The following DOP1B variants were observed in gnomAD, a reference collection of about 807,000 sequenced individuals.
DOP1B encodes the protein protein DOP1B.
Under a neutral mutation model 233.5 loss-of-function variants are expected in DOP1B, and 174 were observed. The ratio of observed to expected loss-of-function variants is 0.75; its 90% CI spans 0.66 to 0.85. The LOEUF is 0.85. DOP1B is among the 40% of genes least tolerant of loss of function. The pLI is 0.00. For synonymous variants in DOP1B, 1,190 were observed against 1,185.6 expected, an observed-to-expected ratio of 1.00 and a Z score of -0.08; for missense variants, 2,652 against 2,846.6, an observed-to-expected ratio of 0.93 and a Z score of 1.56.
At chr21:36,225,914 A>G (rs2066677222) in intron 12 of DOP1B, among the ~76,000 whole-genome samples, 1 of 152,248 alleles carries the variant, frequency 6.6e-6, no homozygotes. Flanking sequence ...TAGGTCAACC[A>G]GCTGAAGAAC....
chr21:36,164,128 A>T (rs181972014), intron 1 of DOP1B, among the ~76,000 whole-genome samples: 147 of 152,286 alleles, frequency 9.7e-4, no homozygotes, highest in African/African-American at 3.5e-3. Context: ...AGAAAAGGAG[A>T]ACAAGGCATG....
intron 2 of DOP1B, among the ~76,000 whole-genome samples, chr21:36,185,577 A>G (rs2066155249): frequency 6.6e-6 from 1 of 152,174 alleles, no homozygotes; most frequent in Non-Finnish European, 1.5e-5. Context: ...TATGACGAGT[A>G]TTTCAGGTCG....
rs2067203646 is a variant in DOP1B, at chr21:36,263,877, G to A, written c.5487+63G>A. The A allele has an allele frequency of 5.4e-6, 8 of 1,482,326 alleles. No individual in the cohort carries two copies. In the Middle Eastern group the frequency reaches 8.6e-4, roughly 160 times the overall value. 91.8% of individuals were successfully genotyped at this position (1,482,326 alleles called of 1,614,324 possible). A position where few individuals can be genotyped will look rare whatever the true frequency, so the allele number is the denominator to read the frequency against. ...CCCAGCAGTGCTGTCCTCCTTTGGG[G>A]GATATCAGATAGCAGGTAGACAAGA... On this transcript the variant is annotated intron_variant, in intron 26 of 36. Transcript: ENST00000691173.
chr21:36,259,574 C>T (rs2067146163), intron 23 of DOP1B, among the ~76,000 whole-genome samples: 1 of 152,050 alleles, frequency 6.6e-6, no homozygotes, highest in African/African-American at 2.4e-5. Context: ...TGCCTGGCCT[C>T]CTTTCATTCT....
At chr21:36,213,431 A>T (rs2066523471) in intron 7 of DOP1B, among the ~76,000 whole-genome samples, 1 of 151,934 alleles carries the variant, frequency 6.6e-6, no homozygotes, top group African/African-American at 2.4e-5. Context: ...GCTCCAGCTG[A>T]TGGGAGCATG....
intron 2 of DOP1B, among the ~76,000 whole-genome samples, chr21:36,194,572 C>T (rs1601400996): frequency 6.6e-6 from 1 of 150,686 alleles, no homozygotes; most frequent in East Asian, 2.0e-4. Context: ...CTCCAACCTC[C>T]ACCTCCCAGG....
intron 6 of DOP1B, 148 bp downstream of exon 6, chr21:36,211,799 C>T: frequency 1.5e-6 from 2 of 1,305,452 alleles, no homozygotes; most frequent in Non-Finnish European, 2.1e-6. Context: ...TTCATTTTTG[C>T]AAGGATAGCG....
At position 36,230,668 on chromosome 21, in the gene DOP1B, T is replaced by C. The variant is rs770782020; in HGVS notation, c.1884T>C (p.Leu628=). The C allele has an allele frequency of 6.2e-7, 1 of 1,614,150 alleles. No individual in the cohort carries two copies. The highest frequency in any genetic ancestry group is 8.5e-7 in the Non-Finnish European group (1 of 1,180,036). The part of the protein sequence containing the change: ...KKGGSMQRTF[L]CIQELIANFA... ...GCGGGAGCATGCAGAGGACGTTTCT[T>C]TGCATCCAAGAGCTAATCGCCAACT... Residue 628 remains leucine, a synonymous_variant, in exon 14 of 37, where the codon CTT becomes CTC. Coordinates refer to ENST00000691173, the MANE Select transcript of DOP1B (RefSeq NM_001320714.2).
chr21:36,169,380 A>G, intron 2 of DOP1B: 1 of 833,390 alleles, frequency 1.2e-6, no homozygotes, highest in Non-Finnish European at 2.1e-6. Flanking sequence ...TGCCCAGCAC[A>G]TGCCATGGAG....
chr21:36,273,712 G>C (rs2067317036), intron 27 of DOP1B, among the ~76,000 whole-genome samples: 1 of 152,178 alleles, frequency 6.6e-6, no homozygotes, highest in Admixed American at 6.6e-5. Context: ...GGAGCTTCAT[G>C]AAAGTGGTGG....
intron 4 of DOP1B, among the ~76,000 whole-genome samples, chr21:36,202,192 A>AAAAC (rs3028919): frequency 8.5e-5 from 13 of 152,128 alleles, no homozygotes; most frequent in East Asian, 7.7e-4. Flanking sequence ...GTCTCAGAAA[A>AAAAC]AAACAAACAA....
At chr21:36,172,488 G>A (rs150468667) in intron 2 of DOP1B, among the ~76,000 whole-genome samples, 29 of 152,336 alleles carry the variant, frequency 1.9e-4, no homozygotes, top group Non-Finnish European at 4.0e-4. Context: ...TTCACTGGGT[G>A]CAGTGATGCA....
intron 1 of DOP1B, among the ~76,000 whole-genome samples, chr21:36,160,912 C>T (rs778800863): frequency 3.3e-5 from 5 of 152,224 alleles, no homozygotes; most frequent in Non-Finnish European, 2.9e-5. Flanking sequence ...CTCCTGCAAA[C>T]ATGCAGGCAA....
chr21:36,212,295 T>TA (rs1447765034), intron 7 of DOP1B, among the ~76,000 whole-genome samples, 198 bp downstream of exon 7: 15 of 152,272 alleles, frequency 9.9e-5, no homozygotes, highest in Middle Eastern at 3.4e-3. Context: ...GTTTCTTTTT[T>TA]AAAAAAGGGG....
Position 36,245,364 on chromosome 21 carries a change from C to G in DOP1B, c.3384C>G (p.Phe1128Leu). The G allele has an allele frequency of 6.2e-7, 1 of 1,614,084 alleles. No homozygotes were observed. ...CGGACAGCGAGAACACGTCCTCCTT[C>G]TCCTCCCCTTCCCACGACCTGCAGG... Reference protein sequence around the residue: ...CHTDSENTSSFSSPSHDLQEL... With the variant: ...CHTDSENTSSLSSPSHDLQEL... The change falls in exon 19 of 37, where the codon TTC (phenylalanine) becomes TTG (leucine). Residue 1128 changes from phenylalanine to leucine, a missense_variant. By Grantham distance (22) the Phe-to-Leu change is conservative (BLOSUM62 0). This residue lies in a region of DOP1B where 2,617 missense variants were observed against 2,794.3 expected (regional missense o/e 0.94). Transcript: ENST00000691173. The surrounding 1 kb of genome is among the most constrained non-coding windows in gnomAD (Gnocchi z 5.5).
At chr21:36,163,310 C>T (rs1026314431) in intron 1 of DOP1B, among the ~76,000 whole-genome samples, 6 of 146,670 alleles carry the variant, frequency 4.1e-5, no homozygotes, top group Admixed American at 3.5e-4. Flanking sequence ...CGCCACCGCA[C>T]TCCAGCTTGG....
chr21:36,264,442 C>T (rs1372960056), intron 26 of DOP1B, among the ~76,000 whole-genome samples: 1 of 151,730 alleles, frequency 6.6e-6, no homozygotes, highest in African/African-American at 2.4e-5. Context: ...AAGCTATCTC[C>T]ATACATGGAT....
rs532590294 is a variant in DOP1B, at chr21:36,277,061, G to A, written c.5673G>A (p.Pro1891=). 19 of 1,614,070 alleles carry A rather than the reference G, an allele frequency of 1.2e-5. No individual in the cohort carries two copies. The highest frequency in any genetic ancestry group is 6.7e-5 in the East Asian group (3 of 44,876). ...CAGCAATGGTGTCTTCATCCGCCCC[G>A]TCGGTGTACAGCGTGCAAGCCCTCT... ...AASAMVSSSA[P]SVYSVQALSL... The change falls in exon 28 of 37, where the codon CCG becomes CCA. Residue 1891 remains proline (P), a synonymous_variant. Coordinates refer to ENST00000691173, the MANE Select transcript of DOP1B (RefSeq NM_001320714.2).
chr21:36,292,253 TTTC>T lies in DOP1B; in HGVS notation c.6645+23_6645+25del. The stretch of plus-strand genomic sequence containing the variant: ...TTTGGGGTAAGTGCTTTTCTTTTCT[TTTC>T]TTTTTTTTTTTTTTTGGTGAGACAG... On this transcript the variant is annotated intron_variant, in intron 36 of 36. Coordinates refer to ENST00000691173, the MANE Select transcript of DOP1B (RefSeq NM_001320714.2). The T allele has an allele frequency of 3.3e-6, 5 of 1,527,718 alleles. No homozygotes were observed. The highest frequency in any genetic ancestry group is 3.5e-6 in the Non-Finnish European group (4 of 1,143,336). The allele number at this position is 1,527,718 out of a possible 1,614,324, so 94.6% of individuals were successfully genotyped here.
Sources: gnomAD v4.1 joint callset for allele counts (sites outside exome capture counted in the v4.1 genomes callset) on GRCh38, gnomAD v4.1.1 for gene constraint, gnomAD v4.1.1 regional missense constraint, Gnocchi (gnomAD v3.1) non-coding constraint, MANE v1.5 for transcripts, NCBI Gene and HGNC (gene_info 2026-07-23, HGNC 2026-07-21) for gene names.